Variants in SH3GL2 observed in about 807,000 individuals in gnomAD.
SH3GL2 encodes endophilin-A1.
Under a neutral mutation model 46.0 loss-of-function variants are expected in SH3GL2, and 24 were observed. The observed-to-expected ratio is 0.52, with a 90% confidence interval of 0.38 to 0.73. The LOEUF (loss-of-function observed/expected upper bound fraction) is 0.73, where lower values mean the gene tolerates loss of function less well. Ranked by LOEUF, SH3GL2 falls within the 30% of genes least tolerant of loss-of-function variation. The pLI is 0.00. For missense variants in SH3GL2, 413 were observed against 424.2 expected (o/e 0.97, Z 0.23); for synonymous variants, 196 against 147.1 (o/e 1.33, Z -2.40).
At chr9:17,636,949 G>T (rs531261645) in intron 1 of SH3GL2, among the ~76,000 whole-genome samples, 3,736 of 152,298 alleles carry the variant, frequency 0.025, 67 homozygotes, top group Middle Eastern at 0.058. Flanking sequence ...TGTGTGATGT[G>T]TTGTTATTGC....
chr9:17,762,373 A>G (rs1823201413), intron 3 of SH3GL2, among the ~76,000 whole-genome samples: 2 of 147,650 alleles, frequency 1.4e-5, no homozygotes, highest in Admixed American at 1.4e-4. Context: ...ATGAGTTTGG[A>G]TACTGAGCAA....
intron 1 of SH3GL2, among the ~76,000 whole-genome samples, chr9:17,684,867 A>T (rs571289018): frequency 6.6e-6 from 1 of 152,146 alleles, no homozygotes; most frequent in Non-Finnish European, 1.5e-5. Flanking sequence ...AATATAAGTG[A>T]TCTTATTACT....
At chr9:17,633,846 G>T (rs74749791) in intron 1 of SH3GL2, among the ~76,000 whole-genome samples, 6,973 of 152,244 alleles carry the variant, frequency 0.046, 246 homozygotes, top group East Asian at 0.19. Flanking sequence ...TCAGCTGAAA[G>T]AATATTTCTA....
intron 1 of SH3GL2, among the ~76,000 whole-genome samples, chr9:17,587,133 C>T (rs554788033): frequency 5.9e-5 from 9 of 152,178 alleles, no homozygotes; most frequent in South Asian, 2.1e-4. Context: ...ACCTGGGAGG[C>T]GGAGGCTACA....
At chr9:17,757,594 A>G (rs1823036396) in intron 2 of SH3GL2, among the ~76,000 whole-genome samples, 1 of 152,234 alleles carries the variant, frequency 6.6e-6, no homozygotes, top group South Asian at 2.1e-4. Context: ...AGGAGCTTAT[A>G]AGATGAGAAA....
chr9:17,583,115 G>A (rs945016319), intron 1 of SH3GL2, among the ~76,000 whole-genome samples: 7 of 152,078 alleles, frequency 4.6e-5, no homozygotes, highest in East Asian at 1.9e-4. Flanking sequence ...CATAACAGTC[G>A]TTATTTGCAT....
intron 1 of SH3GL2, among the ~76,000 whole-genome samples, chr9:17,669,783 A>T (rs2117952068): frequency 6.6e-6 from 1 of 152,230 alleles, no homozygotes; most frequent in Middle Eastern, 3.4e-3. Flanking sequence ...GGGTGATTGT[A>T]TTGAAGTGGC....
chr9:17,744,851 G>C (rs1822634228), intron 1 of SH3GL2, among the ~76,000 whole-genome samples: 1 of 152,132 alleles, frequency 6.6e-6, no homozygotes, highest in Non-Finnish European at 1.5e-5. Flanking sequence ...CTGAAATAGG[G>C]GATCATCAGT....
intron 1 of SH3GL2, among the ~76,000 whole-genome samples, chr9:17,641,572 T>C (rs1168869780): frequency 1.3e-5 from 2 of 152,178 alleles, no homozygotes; most frequent in African/African-American, 4.8e-5. Context: ...GTATTTCTTC[T>C]AATGCTATCC....
chr9:17,768,522 C>A (rs1000913904), intron 3 of SH3GL2, among the ~76,000 whole-genome samples: 1 of 152,098 alleles, frequency 6.6e-6, no homozygotes, highest in African/African-American at 2.4e-5. Context: ...ATACCTAAAT[C>A]CTCAGCATGG....
intron 1 of SH3GL2, among the ~76,000 whole-genome samples, chr9:17,668,978 C>G (rs1374842271): frequency 6.6e-6 from 1 of 152,172 alleles, no homozygotes; most frequent in Non-Finnish European, 1.5e-5. Context: ...ATTAAAAATC[C>G]ATTTCACTCA....
intron 1 of SH3GL2, among the ~76,000 whole-genome samples, chr9:17,714,096 A>G (rs1464775753): frequency 6.6e-6 from 1 of 151,680 alleles, no homozygotes; most frequent in Non-Finnish European, 1.5e-5. Flanking sequence ...TATCATCTTG[A>G]TTAATTGAGC....
intron 3 of SH3GL2, among the ~76,000 whole-genome samples, chr9:17,772,887 A>C (rs1305981313): frequency 1.3e-5 from 2 of 152,200 alleles, no homozygotes; most frequent in South Asian, 4.1e-4. Flanking sequence ...AACTTAAGGG[A>C]ATTCTATTTT....
At chr9:17,696,045 A>C (rs944097896) in intron 1 of SH3GL2, among the ~76,000 whole-genome samples, 5 of 152,116 alleles carry the variant, frequency 3.3e-5, no homozygotes, top group African/African-American at 1.2e-4. Context: ...AGCTGATACA[A>C]ATCACAACTT....
At chr9:17,706,877 T>C (rs2118242456) in intron 1 of SH3GL2, among the ~76,000 whole-genome samples, 1 of 152,114 alleles carries the variant, frequency 6.6e-6, no homozygotes, top group East Asian at 1.9e-4. Flanking sequence ...AAAGTTGCTG[T>C]AGGGTTTTAC....
chr9:17,764,272 A>G (rs1399792335), intron 3 of SH3GL2, among the ~76,000 whole-genome samples: 2 of 152,284 alleles, frequency 1.3e-5, no homozygotes, highest in East Asian at 1.9e-4. Context: ...AATTTAAACA[A>G]CCTGCATTTA....
intron 1 of SH3GL2, among the ~76,000 whole-genome samples, chr9:17,721,604 A>G (rs1224953369): frequency 6.6e-6 from 1 of 152,000 alleles, no homozygotes; most frequent in Non-Finnish European, 1.5e-5. Context: ...ATTTCCCATT[A>G]CCATTCCACC....
intron 1 of SH3GL2, among the ~76,000 whole-genome samples, chr9:17,714,566 A>G (rs73424659): frequency 0.021 from 3,125 of 151,836 alleles, 114 homozygotes; most frequent in African/African-American, 0.072. Context: ...TAGATGGTCT[A>G]TAACATTGAT....
At chr9:17,657,364 G>A (rs1440226541) in intron 1 of SH3GL2, among the ~76,000 whole-genome samples, 2 of 152,146 alleles carry the variant, frequency 1.3e-5, no homozygotes, top group Non-Finnish European at 2.9e-5. Flanking sequence ...AGAGAGATTT[G>A]TGGGCAGGTT....
Sources: gnomAD v4.1 joint callset for allele counts (sites outside exome capture counted in the v4.1 genomes callset) on GRCh38, gnomAD v4.1.1 for gene constraint, MANE v1.5 for transcripts, NCBI Gene and HGNC (gene_info 2026-07-23, HGNC 2026-07-21) for gene names.